The following HSD17B12 variants were observed in gnomAD, a reference collection of about 807,000 sequenced individuals.
The protein encoded by HSD17B12 is very-long-chain 3-oxoacyl-CoA reductase.
Under a neutral mutation model 39.3 loss-of-function variants are expected in HSD17B12, and 32 were observed. The observed-to-expected ratio is 0.81, with a 90% CI of 0.61 to 1.09. The LOEUF (loss-of-function observed/expected upper bound fraction) is 1.09, where lower values mean the gene tolerates loss of function less well. Among genes scored for constraint, HSD17B12 ranks in the 50% least tolerant of loss-of-function variants. The pLI, the probability that HSD17B12 is intolerant of heterozygous loss-of-function variation, is 0.00. For missense variants in HSD17B12, 342 were observed against 382.9 expected, an observed-to-expected ratio of 0.89 and a Z score of 0.89; for synonymous variants, 150 against 146.7, an observed-to-expected ratio of 1.02 and a Z score of -0.16.
At chr11:43,644,638 A>T in the HSD17B12 span, 1,760 of 152,616 alleles carry the variant, frequency 0.012, 16 homozygotes, top group Non-Finnish European at 0.018. Context: ...TCATGGCCCT[A>T]TTTGGGGTTG....
intron 1 of HSD17B12, among the ~76,000 whole-genome samples, chr11:43,689,845 G>A (rs1949836221): frequency 1.3e-5 from 2 of 152,046 alleles, no homozygotes; most frequent in Admixed American, 1.3e-4. Context: ...CACCGCACCC[G>A]GCCTGAACAA....
the HSD17B12 span, among the ~76,000 whole-genome samples, chr11:43,588,636 A>ATTATTATTATTAT: frequency 6.7e-6 from 1 of 149,478 alleles, no homozygotes; most frequent in Non-Finnish European, 1.5e-5. Flanking sequence ...TATTATTATT[A>ATTATTATTATTAT]TAGTGTTCTC....
chr11:43,763,586 T>TTATATATA (rs144415393), intron 3 of HSD17B12, among the ~76,000 whole-genome samples: 3 of 145,876 alleles, frequency 2.1e-5, no homozygotes, highest in African/African-American at 7.5e-5. Flanking sequence ...TTTTATACCC[T>TTATATATA]TATATATATA....
chr11:43,762,718 C>T (rs147668947), intron 3 of HSD17B12, among the ~76,000 whole-genome samples: 2 of 152,266 alleles, frequency 1.3e-5, no homozygotes, highest in East Asian at 3.9e-4. Flanking sequence ...GAATTGATAC[C>T]TCCAGAGACT....
intron 1 of HSD17B12, among the ~76,000 whole-genome samples, chr11:43,745,628 A>C (rs1303251794): frequency 6.6e-6 from 1 of 152,208 alleles, no homozygotes; most frequent in African/African-American, 2.4e-5. Flanking sequence ...ACAAACCTGT[A>C]TATAATAGCA....
rs146474591 is a variant in HSD17B12, at chr11:43,686,361, A to G, written c.160+5374A>G. ...CCCGAAAGGGAGTACGTGTGCCTAAATGGAAAAAGTTCTGCAGATTAAAGT... is the reference window on the plus strand; with the variant it reads ...CCCGAAAGGGAGTACGTGTGCCTAAGTGGAAAAAGTTCTGCAGATTAAAGT... On this transcript the variant is annotated intron_variant, in intron 1 of 10. Coordinates refer to ENST00000278353, the MANE Select transcript of HSD17B12 (RefSeq NM_016142.3). Among the ~76,000 whole-genome samples the G allele has an allele frequency of 7.9e-5, 12 of 152,374 alleles. No individual in the cohort carries two copies. In the East Asian group the frequency reaches 1.7e-3, roughly 22 times the overall value.
chr11:43,590,007 A>G, the HSD17B12 span, among the ~76,000 whole-genome samples: 2 of 152,194 alleles, frequency 1.3e-5, no homozygotes, highest in Non-Finnish European at 1.5e-5. Context: ...TGTAGTATGT[A>G]CTCAAGTGAG....
intron 1 of HSD17B12, among the ~76,000 whole-genome samples, chr11:43,695,777 A>T (rs1282995427): frequency 6.6e-6 from 1 of 152,154 alleles, no homozygotes; most frequent in South Asian, 2.1e-4. Context: ...GGCCATCTGG[A>T]TGACCTTTGT....
At chr11:43,567,676 G>A in the HSD17B12 span, among the ~76,000 whole-genome samples, 1 of 152,210 alleles carries the variant, frequency 6.6e-6, no homozygotes, top group African/African-American at 2.4e-5. Context: ...CTTGAAGCAA[G>A]GAGAAAAGGT....
intron 3 of HSD17B12, among the ~76,000 whole-genome samples, chr11:43,790,239 ACAT>A (rs1950854821): frequency 1.3e-5 from 2 of 152,240 alleles, no homozygotes; most frequent in East Asian, 3.9e-4. Context: ...TAAAAATAGT[ACAT>A]CATGACCATT....
At chr11:43,687,547 G>A (rs1239294223) in intron 1 of HSD17B12, among the ~76,000 whole-genome samples, 1 of 152,170 alleles carries the variant, frequency 6.6e-6, no homozygotes, top group Non-Finnish European at 1.5e-5. Context: ...TGGAGTGACA[G>A]GAAGGGCAGA....
At chr11:43,816,492 T>G (rs1417818293) in intron 6 of HSD17B12, 101 bp downstream of exon 6, 1 of 960,140 alleles carries the variant, frequency 1.0e-6, no homozygotes, top group African/African-American at 1.7e-5. Flanking sequence ...CTTGTTTAGA[T>G]GCAGATACAT....
chr11:43,685,688 C>T (rs573560709), intron 1 of HSD17B12, among the ~76,000 whole-genome samples: 101 of 152,294 alleles, frequency 6.6e-4, no homozygotes, highest in Non-Finnish European at 1.2e-3. Flanking sequence ...GAAACCAAGT[C>T]ATCCGTTCTG....
At chr11:43,580,452 G>T in the HSD17B12 span, among the ~76,000 whole-genome samples, 1 of 152,140 alleles carries the variant, frequency 6.6e-6, no homozygotes, top group Non-Finnish European at 1.5e-5. Context: ...TACTGAGACG[G>T]TTTCGGGGAG....
intron 1 of HSD17B12, among the ~76,000 whole-genome samples, chr11:43,699,413 G>T (rs1302097176): frequency 6.6e-6 from 1 of 152,008 alleles, no homozygotes; most frequent in Admixed American, 6.6e-5. Context: ...ATGTTAATGA[G>T]ATAATAGTAC....
the HSD17B12 span, chr11:43,640,927 A>C: frequency 1.4e-5 from 2 of 146,326 alleles, no homozygotes; most frequent in Non-Finnish European, 3.1e-5. Flanking sequence ...ATAATCATTT[A>C]CTTGTTTTTT....
intron 3 of HSD17B12, among the ~76,000 whole-genome samples, chr11:43,783,989 C>T (rs967167318): frequency 6.6e-6 from 1 of 152,140 alleles, no homozygotes; most frequent in Non-Finnish European, 1.5e-5. Flanking sequence ...TAATATCTGG[C>T]ATTGTAGCAG....
chr11:43,619,075 AGAACCTAAGTG>A, the HSD17B12 span, among the ~76,000 whole-genome samples: 1 of 149,616 alleles, frequency 6.7e-6, no homozygotes. Context: ...CTCAAGGGAG[AGAACCTAAGTG>A]GAAAACTCAA....
At chr11:43,746,896 G>T (rs1227646811) in intron 1 of HSD17B12, among the ~76,000 whole-genome samples, 1 of 152,196 alleles carries the variant, frequency 6.6e-6, no homozygotes, top group African/African-American at 2.4e-5. Flanking sequence ...TGTATATGTG[G>T]TCCTTTGTTG....
Sources: gnomAD v4.1 joint callset for allele counts (sites outside exome capture counted in the v4.1 genomes callset) on GRCh38, gnomAD v4.1.1 for gene constraint, MANE v1.5 for transcripts, NCBI Gene and HGNC (gene_info 2026-07-23, HGNC 2026-07-21) for gene names.